TNPO3: variants seen among roughly 807,000 people sequenced by gnomAD.
TNPO3 encodes transportin 3, also known as transportin-3.
A neutral mutation model predicts 122.8 loss-of-function variants in TNPO3; 65 were observed. That is an observed-to-expected ratio of 0.53 (90% confidence interval 0.43 to 0.65). The LOEUF is 0.65. TNPO3 is among the 30% of genes least tolerant of loss of function. The probability of loss-of-function intolerance (pLI) is 0.00; values close to 1 mark genes in which losing one functional copy is unlikely to be tolerated. For missense variants in TNPO3, 850 were observed against 1,136.7 expected, an observed-to-expected ratio of 0.75 and a Z score of 3.63; for synonymous variants, 372 against 411.2, an observed-to-expected ratio of 0.90 and a Z score of 1.15.
Position 129,005,131 on chromosome 7 carries a change from T to C in TNPO3, c.581A>G (p.Asp194Gly). The C allele has an allele frequency of 6.2e-7, 1 of 1,613,996 alleles. No individual in the cohort carries two copies. Among genetic ancestry groups the C allele is most frequent in the Non-Finnish European group, 8.5e-7 (1 of 1,179,958 alleles). The change falls in exon 5 of 23, where the codon GAT becomes GGT. Residue 194 changes from aspartate (D) to glycine (G), a missense_variant. Transcript: ENST00000265388. ...LMTCVEKAGT[D>G]EKMLMKVFRC... The stretch of plus-strand genomic sequence containing the variant: ...AAAAACCTTCATAAGCATTTTCTCA[T>C]CTGTTCCTGCTTTTTCTACACAGGT...
At chr7:128,978,017 G>A (rs1325761915) in intron 16 of TNPO3, among the ~76,000 whole-genome samples, 1 of 152,124 alleles carries the variant, frequency 6.6e-6, no homozygotes, top group Non-Finnish European at 1.5e-5. Flanking sequence ...CTGGAGCTCT[G>A]TGACTGTTTT....
intron 7 of TNPO3, 58 bp from the exon 8 acceptor site, chr7:128,997,593 T>C (rs962185673): frequency 6.9e-7 from 1 of 1,442,938 alleles, no homozygotes; most frequent in Non-Finnish European, 9.7e-7. Flanking sequence ...TAAGAAGACA[T>C]TTTATTATCA....
At position 128,965,384 on chromosome 7, in the gene TNPO3, T is replaced by C. The variant is rs1797836865; in HGVS notation, c.2711+1896A>G. Among the ~76,000 whole-genome samples, 3 of 152,112 alleles carry C rather than the reference T, an allele frequency of 2.0e-5. No homozygotes were observed. The South Asian group carries it at 6.2e-4, about 32-fold the overall frequency. On this transcript the variant is annotated intron_variant, in intron 21 of 22. Coordinates refer to ENST00000265388, the MANE Select transcript of TNPO3 (RefSeq NM_012470.4). The stretch of plus-strand genomic sequence containing the variant: ...TGCAAATGAAAACGGCAATGAGATA[T>C]CACTTCACACTTGGTGTGAAATGCT...
At chr7:128,998,027 T>A (rs947111176) in intron 7 of TNPO3, among the ~76,000 whole-genome samples, 34 of 144,038 alleles carry the variant, frequency 2.4e-4, no homozygotes, top group Non-Finnish European at 4.7e-4. Flanking sequence ...TTTTTTTTTT[T>A]AGTAGAAACA....
Position 128,996,509 on chromosome 7 carries a change from T to A in TNPO3, c.1158+880A>T, listed in dbSNP as rs184133437. On this transcript the variant is annotated intron_variant, in intron 8 of 22. Transcript: ENST00000265388. ...CTGTAATCTCAGCACTTTGGGAGGC[T>A]GAGGTGGGTGGATCATGAGGTCAGG... Among the ~76,000 whole-genome samples, 484 of 152,054 alleles carry A rather than the reference T, an allele frequency of 3.2e-3. 2 individuals carry two copies. The highest frequency in any genetic ancestry group is 0.011 in the African/African-American group (464 of 41,502).
chr7:128,977,582 T>C (rs1799191719), intron 16 of TNPO3, among the ~76,000 whole-genome samples: 3 of 127,840 alleles, frequency 2.3e-5, no homozygotes, highest in East Asian at 4.7e-4. Context: ...GGGGAACTCA[T>C]TCTTTTTTTC....
chr7:129,055,417 C>G (rs1809374817), upstream of TNPO3: 1 of 155,726 alleles, frequency 6.4e-6, no homozygotes, highest in Middle Eastern at 3.4e-3. Context: ...CCCTGGTGAT[C>G]AAGGCGCGTC....
intron 4 of TNPO3, among the ~76,000 whole-genome samples, chr7:129,008,917 C>T (rs1184160616): frequency 6.6e-6 from 1 of 152,110 alleles, no homozygotes; most frequent in African/African-American, 2.4e-5. Flanking sequence ...AACTGAAAGA[C>T]CAAATTCTGA....
chr7:128,961,546 C>A (rs182923525), intron 21 of TNPO3, among the ~76,000 whole-genome samples: 54 of 152,286 alleles, frequency 3.5e-4, no homozygotes, highest in African/African-American at 1.3e-3. Context: ...TTAAGTAACA[C>A]ATGACTGTAT....
intron 2 of TNPO3, 28 bp from the exon 3 acceptor site, chr7:129,017,084 G>A: frequency 6.4e-7 from 1 of 1,560,638 alleles, no homozygotes; most frequent in Non-Finnish European, 8.8e-7. Flanking sequence ...AATAAATGAA[G>A]ACAGATGAAC....
chr7:128,975,251 G>A (rs1798935158), intron 17 of TNPO3, among the ~76,000 whole-genome samples: 1 of 152,166 alleles, frequency 6.6e-6, no homozygotes, highest in African/African-American at 2.4e-5. Context: ...AGAAATTTCT[G>A]AAAGCAAAGA....
rs543571939 is a variant in TNPO3, at chr7:128,955,594, G to A, written c.*32-209C>T. On this transcript the variant is annotated intron_variant, in intron 22 of 22. Transcript: ENST00000265388. Reference sequence around the variant, plus strand: ...CTACTGCTTTAATGAGACACCGTCTGCAGTGTGCTTCCAATGCTGAGTGTG... The same window carrying A: ...CTACTGCTTTAATGAGACACCGTCTACAGTGTGCTTCCAATGCTGAGTGTG... Among the ~76,000 whole-genome samples the A allele has an allele frequency of 8.5e-5, 13 of 152,320 alleles. No homozygotes were observed. The South Asian group carries it at 2.5e-3, about 29-fold the overall frequency.
At chr7:129,016,212 G>A (rs1803840582) in intron 3 of TNPO3, among the ~76,000 whole-genome samples, 1 of 152,124 alleles carries the variant, frequency 6.6e-6, no homozygotes, top group South Asian at 2.1e-4. Flanking sequence ...AGACCAGCCT[G>A]GCCAAACCCC....
At chr7:129,022,335 T>C (rs548924760) in intron 1 of TNPO3, among the ~76,000 whole-genome samples, 14 of 152,200 alleles carry the variant, frequency 9.2e-5, no homozygotes, top group African/African-American at 3.4e-4. Context: ...TAGTGCACTA[T>C]GATCCTGCCA....
At position 128,982,308 on chromosome 7, in the gene TNPO3, G is replaced by C. The variant is rs1285655999; in HGVS notation, c.1799C>G (p.Pro600Arg). 4 of 1,612,890 alleles carry C rather than the reference G, an allele frequency of 2.5e-6. No individual in the cohort carries two copies. The highest frequency in any genetic ancestry group is 3.4e-6 in the Non-Finnish European group (4 of 1,179,400). Residue 600 changes from proline to arginine, a missense_variant, in exon 14 of 23, where the codon CCC becomes CGC. Pro to Arg is a moderately radical substitution (Grantham distance 103). Coordinates refer to ENST00000265388, the MANE Select transcript of TNPO3 (RefSeq NM_012470.4). ...MALKKLLSQE[P>R]SNGISSDPTV... ...GGGATCTGAGGATATGCCATTGCTG[G>C]GCTCTTGAGACAACAGCTGAAGAGA...
chr7:128,995,001 T>C (rs975511507), intron 8 of TNPO3, among the ~76,000 whole-genome samples: 1 of 152,182 alleles, frequency 6.6e-6, no homozygotes, highest in African/African-American at 2.4e-5. Context: ...GGTCTCACTA[T>C]ATTACCCAGG....
chr7:128,985,440 T>TA (rs1047310789), intron 12 of TNPO3, among the ~76,000 whole-genome samples: 1 of 151,964 alleles, frequency 6.6e-6, no homozygotes, highest in Non-Finnish European at 1.5e-5. Context: ...ATTAAAAATT[T>TA]AAAAAATCAG....
chr7:128,965,067 A>G lies in TNPO3; in HGVS notation c.2711+2213T>C, dbSNP rs1797811048. Reference sequence around the variant, plus strand: ...CTAGATATGACACCAAACAGACAACAAAAGCAAAACAGATAAACTAGGCGA... The same window carrying G: ...CTAGATATGACACCAAACAGACAACGAAAGCAAAACAGATAAACTAGGCGA... On this transcript the variant is annotated intron_variant, in intron 21 of 22. Transcript: ENST00000265388. Among the ~76,000 whole-genome samples, 6 of 152,342 alleles carry G rather than the reference A, an allele frequency of 3.9e-5. No homozygotes were observed. The South Asian group carries it at 1.2e-3, about 32-fold the overall frequency.
At chr7:129,053,099 C>T (rs1409307097) in intron 1 of TNPO3, among the ~76,000 whole-genome samples, 2 of 151,976 alleles carry the variant, frequency 1.3e-5, no homozygotes, top group African/African-American at 2.4e-5. Flanking sequence ...CCGAGGCGGG[C>T]GGATCACCTG....
Sources: allele counts gnomAD v4.1 joint callset (sites outside exome capture counted in the v4.1 genomes callset), GRCh38; gene constraint gnomAD v4.1.1; transcripts MANE v1.5; gene names NCBI Gene and HGNC (gene_info 2026-07-23, HGNC 2026-07-21).